TENM2: variants seen among roughly 807,000 people sequenced by gnomAD.
The protein encoded by TENM2 is teneurin transmembrane protein 2.
TENM2 carries 52 observed loss-of-function variants against 245.2 expected under a neutral mutation model. The ratio of observed to expected loss-of-function variants is 0.21; its 90% CI spans 0.17 to 0.27. The LOEUF (loss-of-function observed/expected upper bound fraction) is 0.27. Among genes scored for constraint, TENM2 ranks in the 10% least tolerant of loss-of-function variants. The pLI is 1.00. For synonymous variants in TENM2, 1,363 were observed against 1,438.9 expected (o/e 0.95, Z 1.19); for missense variants, 3,046 against 3,666.8 (o/e 0.83, Z 4.37).
At chr5:167,560,580 A>T (rs1347167408) in intron 2 of TENM2, among the ~76,000 whole-genome samples, 1 of 152,096 alleles carries the variant, frequency 6.6e-6, no homozygotes, top group Non-Finnish European at 1.5e-5. Flanking sequence ...TGAGCACATT[A>T]TTTGTCTCCT....
At chr5:167,304,221 C>T (rs925076748) in intron 1 of TENM2, among the ~76,000 whole-genome samples, 11 of 152,318 alleles carry the variant, frequency 7.2e-5, no homozygotes, top group African/African-American at 2.4e-4. Context: ...CTGAGATGCA[C>T]AGCCTAAGGC....
chr5:167,177,567 A>G, the TENM2 span, among the ~76,000 whole-genome samples: 814 of 152,324 alleles, frequency 5.3e-3, 8 homozygotes, highest in African/African-American at 0.019. Flanking sequence ...GATACAATAG[A>G]TTAATGAGAA....
At chr5:167,486,341 T>C (rs1342556126) in intron 2 of TENM2, among the ~76,000 whole-genome samples, 126 of 149,594 alleles carry the variant, frequency 8.4e-4, no homozygotes, top group African/African-American at 2.8e-3. Context: ...TTTTTTTTTT[T>C]CTTTTGAGAC....
chr5:167,048,248 T>C, the TENM2 span, among the ~76,000 whole-genome samples: 1 of 152,218 alleles, frequency 6.6e-6, no homozygotes, highest in Non-Finnish European at 1.5e-5. Flanking sequence ...AGCCCATTTT[T>C]ATGAGCTAAA....
At chr5:167,509,136 G>C (rs1230666063) in intron 2 of TENM2, among the ~76,000 whole-genome samples, 1 of 152,148 alleles carries the variant, frequency 6.6e-6, no homozygotes, top group Non-Finnish European at 1.5e-5. Context: ...ATATTTTAGC[G>C]TGTGCTATTT....
the TENM2 span, among the ~76,000 whole-genome samples, chr5:167,158,892 C>CTTCCTTCA: frequency 6.9e-6 from 1 of 144,552 alleles, no homozygotes; most frequent in South Asian, 2.2e-4. Flanking sequence ...TCCTTCCTTC[C>CTTCCTTCA]TTCCTTCCTT....
At chr5:167,845,369 A>C (rs913338779) in intron 2 of TENM2, among the ~76,000 whole-genome samples, 3 of 151,980 alleles carry the variant, frequency 2.0e-5, no homozygotes, top group Non-Finnish European at 4.4e-5. Context: ...ATTTTCATTT[A>C]AATGGGCTGT....
chr5:168,034,089 A>ATG (rs1289242589), intron 5 of TENM2, among the ~76,000 whole-genome samples: 2,869 of 139,752 alleles, frequency 0.021, 111 homozygotes, highest in African/African-American at 0.054. Flanking sequence ...ATACATATAT[A>ATG]TGTGTATATA....
chr5:167,899,402 T>C (rs1425535073), intron 3 of TENM2, among the ~76,000 whole-genome samples: 1 of 152,214 alleles, frequency 6.6e-6, no homozygotes, highest in Non-Finnish European at 1.5e-5. Context: ...AAAGTCATCA[T>C]GATAGCATAG....
chr5:167,919,123 C>T (rs912715597), intron 3 of TENM2, among the ~76,000 whole-genome samples: 1 of 152,126 alleles, frequency 6.6e-6, no homozygotes, highest in Non-Finnish European at 1.5e-5. Context: ...TATCCTTTAT[C>T]ATCCCAAATT....
At position 167,845,239 on chromosome 5, in the gene TENM2, CCACACACACACACA is replaced by C. The variant is rs55784312; in HGVS notation, c.503-30718_503-30705del. On this transcript the variant is annotated intron_variant, in intron 2 of 28. Transcript: ENST00000518659. ...TTCCCCCGAGTCCCCCCCTCCCGCGCCACACACACACACACACACACACACACACACACACACAC... is the reference window on the plus strand; with the variant it reads ...TTCCCCCGAGTCCCCCCCTCCCGCGCCACACACACACACACACACACACAC... Among the ~76,000 whole-genome samples, 76 of 96,962 alleles carry C rather than the reference CCACACACACACACA, an allele frequency of 7.8e-4. 3 individuals are homozygous for C. The highest frequency in any genetic ancestry group is 1.2e-3 in the African/African-American group (30 of 24,608). The allele number at this position is 96,962 out of a possible 152,430, so 63.6% of individuals were successfully genotyped here.
intron 13 of TENM2, chr5:168,187,782 T>TA (rs571589407): frequency 4.7e-4 from 71 of 152,324 alleles, no homozygotes; most frequent in Middle Eastern, 6.8e-3. Context: ...ATCATCCTGC[T>TA]ACTAAGATAC....
chr5:167,197,807 T>C, the TENM2 span, among the ~76,000 whole-genome samples: 2 of 151,980 alleles, frequency 1.3e-5, no homozygotes, highest in Non-Finnish European at 2.9e-5. Context: ...TTGCTAAAAC[T>C]TGTTTCTTTC....
chr5:167,216,588 G>A, the TENM2 span, among the ~76,000 whole-genome samples: 1 of 152,284 alleles, frequency 6.6e-6, no homozygotes, highest in Admixed American at 6.5e-5. Context: ...AATGGCTACA[G>A]TATAGCAGCC....
rs1554126504 is a variant in TENM2 at position 167,827,633 on chromosome 5, G to GGGGC, written c.503-48350_503-48349insCGGG. 2.2e-4 allele frequency among the ~76,000 whole-genome samples: 26 copies of GGGGC among 120,030 alleles called. 1 individual carries two copies. The highest frequency in any genetic ancestry group is 3.8e-4 in the Non-Finnish European group (22 of 57,300). 78.7% of individuals were successfully genotyped at this position (120,030 alleles called of 152,430 possible). A position where few individuals can be genotyped will look rare whatever the true frequency, so the allele number is the denominator to read the frequency against. ...ATGGCAAGGAGCTAGGTGGGCGGGG[G>GGGGC]GGGGGGAACAGTTTAATGAGCGTGA... is the stretch of plus-strand genomic sequence containing the variant. On this transcript the variant is annotated intron_variant, in intron 2 of 28. Transcript: ENST00000518659.
intron 12 of TENM2, among the ~76,000 whole-genome samples, chr5:168,161,736 T>C (rs1055022278): frequency 6.6e-6 from 1 of 151,990 alleles, no homozygotes; most frequent in African/African-American, 2.4e-5. Flanking sequence ...AGGAGAGTGC[T>C]GGCTGCAATT....
the TENM2 span, among the ~76,000 whole-genome samples, chr5:167,118,038 A>C: frequency 6.6e-6 from 1 of 152,084 alleles, no homozygotes; most frequent in Non-Finnish European, 1.5e-5. Flanking sequence ...ATCCAATATT[A>C]CTTCTCTGAT....
rs1775112737 is a variant in TENM2, at chr5:167,895,116, T to A, written c.712+18921T>A. Among the ~76,000 whole-genome samples the A allele has an allele frequency of 2.0e-5, 3 of 152,274 alleles. No individual in the cohort carries two copies. In the East Asian group the frequency reaches 5.8e-4, roughly 29 times the overall value. On this transcript the variant is annotated intron_variant, in intron 3 of 28. Transcript: ENST00000518659. ...GTAAAACTTCTCAGGGCCTTTAACATGTTTATGTGAACTGAGACTTTCTAT... is the reference window on the plus strand; with the variant it reads ...GTAAAACTTCTCAGGGCCTTTAACAAGTTTATGTGAACTGAGACTTTCTAT...
At chr5:167,384,793 A>G (rs890196311) in intron 2 of TENM2, among the ~76,000 whole-genome samples, 1 of 152,238 alleles carries the variant, frequency 6.6e-6, no homozygotes, top group Non-Finnish European at 1.5e-5. Flanking sequence ...TCCAGGTAGA[A>G]GGACTCCAGA....
Sources: allele counts gnomAD v4.1 joint callset (sites outside exome capture counted in the v4.1 genomes callset), GRCh38; gene constraint gnomAD v4.1.1; transcripts MANE v1.5; gene names NCBI Gene and HGNC (gene_info 2026-07-23, HGNC 2026-07-21).